Variants in CBL observed in about 807,000 individuals in gnomAD.
CBL encodes the protein E3 ubiquitin-protein ligase CBL.
CBL carries 45 observed loss-of-function variants against 96.9 expected under a neutral mutation model. The ratio of observed to expected loss-of-function variants is 0.46; its 90% CI spans 0.37 to 0.60. The LOEUF (loss-of-function observed/expected upper bound fraction) is 0.60. Ranked by LOEUF, CBL falls within the 20% of genes least tolerant of loss-of-function variation. The pLI is 0.00. For synonymous variants in CBL, 420 were observed against 426.8 expected (o/e 0.98, Z 0.20); for missense variants, 1,024 against 1,143.5 (o/e 0.90, Z 1.51).
At chr11:119,284,897 C>T in intron 9 of CBL, 72 bp from the exon 10 acceptor site, 1 of 1,577,048 alleles carries the variant, frequency 6.3e-7, no homozygotes, top group Non-Finnish European at 8.7e-7. Context: ...TTGCCATCCA[C>T]AGCTTTAGGA....
At position 119,215,454 on chromosome 11, in the gene CBL, G is replaced by A. The variant is rs117176076; in HGVS notation, c.195+8842G>A. Among the ~76,000 whole-genome samples, 387 of 147,500 alleles carry A rather than the reference G, an allele frequency of 2.6e-3. 8 individuals are homozygous for A. In the East Asian group the frequency reaches 0.049, roughly 19 times the overall value. Reference sequence around the variant, plus strand: ...ATTTTTTTTTTTTTTTTGAGGTTGCGTCTTGCTGTGTTGCCCAGGCTGACC... The same window carrying A: ...ATTTTTTTTTTTTTTTTGAGGTTGCATCTTGCTGTGTTGCCCAGGCTGACC... On this transcript the variant is annotated intron_variant, in intron 1 of 15. Transcript: ENST00000264033.
chr11:119,224,464 G>A (rs2135259779), intron 1 of CBL, among the ~76,000 whole-genome samples: 1 of 152,076 alleles, frequency 6.6e-6, no homozygotes, highest in Non-Finnish European at 1.5e-5. Context: ...ACCAGTAATA[G>A]CCTACTGTTG....
In CBL at chr11:119,298,463, C is replaced by T. The variant is rs2135321129; in HGVS notation, c.2357C>T (p.Ala786Val). The change falls in exon 15 of 16, where the codon GCC becomes GTC. Residue 786 changes from alanine to valine, a missense_variant. Ala to Val is a moderately conservative substitution (Grantham distance 64). Transcript: ENST00000264033. ...VPKPPVPAVLARRTLSDISNA... is the reference protein window; with the variant it reads ...VPKPPVPAVLVRRTLSDISNA... ...AAGCCACCTGTGCCGGCCGTGCTGG[C>T]CCGCCGAACTCTCTCAGATATCTCT... The T allele has an allele frequency of 6.2e-7, 1 of 1,614,182 alleles. No homozygotes were observed. The highest frequency in any genetic ancestry group is 1.1e-5 in the South Asian group (1 of 91,076).
At position 119,303,993 on chromosome 11, in the gene CBL, T is replaced by C. The variant is rs1950118478; in HGVS notation, c.*4212T>C. The C allele has an allele frequency of 4.3e-6, 1 of 233,468 alleles. No homozygotes were observed. The highest frequency in any genetic ancestry group is 8.5e-6 in the Non-Finnish European group (1 of 118,054). 14.5% of individuals were successfully genotyped at this position (233,468 alleles called of 1,614,324 possible). A position where few individuals can be genotyped will look rare whatever the true frequency, so the allele number is the denominator to read the frequency against. On this transcript the variant is annotated 3_prime_UTR_variant, in exon 16 of 16. Transcript: ENST00000264033. ...AACTATGTTTTAGAAGGGCTGGAGGTGTGGGCCCTGTCTTCGGGTCTCAGG... is the reference window on the plus strand; with the variant it reads ...AACTATGTTTTAGAAGGGCTGGAGGCGTGGGCCCTGTCTTCGGGTCTCAGG...
intron 1 of CBL, among the ~76,000 whole-genome samples, chr11:119,223,594 T>A (rs894803945): frequency 6.6e-6 from 1 of 150,828 alleles, no homozygotes; most frequent in Admixed American, 6.6e-5. Flanking sequence ...CACGCCCGGC[T>A]AAATTTTTTT....
intron 2 of CBL, among the ~76,000 whole-genome samples, chr11:119,263,508 T>C (rs1949770661): frequency 6.6e-6 from 1 of 152,218 alleles, no homozygotes; most frequent in South Asian, 2.1e-4. Flanking sequence ...TAGGAATCTG[T>C]TACTGTGTAA....
rs759082853 is a variant in CBL, at chr11:119,273,888, G to A, written c.611G>A (p.Ser204Asn). Reference sequence around the variant, plus strand: ...CCCAGGACAATAGTCCCTTGGAAGAGCTTTCGACAGGCTCTACATGAAGTG... The same window carrying A: ...CCCAGGACAATAGTCCCTTGGAAGAACTTTCGACAGGCTCTACATGAAGTG... Reference protein sequence around the residue: ...FGEKTIVPWKSFRQALHEVHP... With the variant: ...FGEKTIVPWKNFRQALHEVHP... Residue 204 changes from serine to asparagine, a missense_variant, in exon 4 of 16, where the codon AGC (serine) becomes AAC (asparagine). Physicochemically the swap from Ser to Asn is conservative, Grantham distance 46. This residue lies in a region of CBL where 192 missense variants were observed against 321.8 expected (regional missense o/e 0.60). Transcript: ENST00000264033. 1 of 1,614,144 alleles carries A rather than the reference G, an allele frequency of 6.2e-7. No homozygotes were observed.
At chr11:119,264,130 T>G (rs1254059101) in intron 2 of CBL, among the ~76,000 whole-genome samples, 1 of 152,270 alleles carries the variant, frequency 6.6e-6, no homozygotes, top group African/African-American at 2.4e-5. Flanking sequence ...TTAAATCATC[T>G]TGGAATTTTC....
intron 2 of CBL, among the ~76,000 whole-genome samples, chr11:119,250,263 A>C (rs1297447993): frequency 1.3e-5 from 2 of 152,000 alleles, no homozygotes; most frequent in African/African-American, 4.8e-5. Flanking sequence ...GAATTGTAAG[A>C]TTTTTTTCCT....
In CBL at chr11:119,305,440, T is replaced by A. The variant is rs575591659; in HGVS notation, c.*5659T>A. 7.8e-5 allele frequency: 18 copies of A among 230,616 alleles called. No homozygotes were observed. Among genetic ancestry groups the A allele is most frequent in the Non-Finnish European group, 1.5e-4 (18 of 116,436 alleles). The allele number at this position is 230,616 out of a possible 1,614,324, so 14.3% of individuals were successfully genotyped here. On this transcript the variant is annotated 3_prime_UTR_variant, in exon 16 of 16. Coordinates refer to ENST00000264033, the MANE Select transcript of CBL (RefSeq NM_005188.4). ...ACTATCCATGGACTTCTGGGTCCTCTTCAGGTTTGAGTGCTTGAAAATGTT... is the reference window on the plus strand; with the variant it reads ...ACTATCCATGGACTTCTGGGTCCTCATCAGGTTTGAGTGCTTGAAAATGTT...
chr11:119,262,951 G>A (rs1949765323), intron 2 of CBL, among the ~76,000 whole-genome samples: 1 of 152,188 alleles, frequency 6.6e-6, no homozygotes, highest in South Asian at 2.1e-4. Context: ...GACCTATGCT[G>A]CCCCTTACTA....
At chr11:119,216,383 T>TATTC (rs1949360528) in intron 1 of CBL, among the ~76,000 whole-genome samples, 1 of 142,712 alleles carries the variant, frequency 7.0e-6, no homozygotes, top group Non-Finnish European at 1.5e-5. Flanking sequence ...TTTATTTATT[T>TATTC]ATTTTTTGAG....
Position 119,278,279 on chromosome 11 carries a change from C to T in CBL, c.1209C>T (p.Ser403=), listed in dbSNP as rs978200568. The T allele has an allele frequency of 3.1e-6, 5 of 1,613,976 alleles. No individual in the cohort carries two copies. Among genetic ancestry groups the T allele is most frequent in the South Asian group, 1.1e-5 (1 of 91,084 alleles). The change falls in exon 8 of 16, where the codon TCC becomes TCT. Residue 403 remains serine (S), a synonymous_variant. Transcript: ENST00000264033. The part of the protein sequence containing the change: ...IEPCGHLMCT[S]CLTSWQESEG... The stretch of plus-strand genomic sequence containing the variant: ...CCTGTGGACACCTCATGTGCACATC[C>T]TGTCTTACATCCTGGCAGGTACGGA...
rs373788107 is a variant in CBL, at chr11:119,274,081, CTT to C, written c.747+73_747+74del. 19,856 of 891,594 alleles carry C rather than the reference CTT, an allele frequency of 0.022. 22 individuals are homozygous for C. The highest frequency in any genetic ancestry group is 0.037 in the African/African-American group (1,859 of 50,118). 55.2% of individuals were successfully genotyped at this position (891,594 alleles called of 1,614,324 possible). On this transcript the variant is annotated intron_variant, in intron 4 of 15. Coordinates refer to ENST00000264033, the MANE Select transcript of CBL (RefSeq NM_005188.4). ...TACTGCTACTTCGGTGAAGAGAAAG[CTT>C]TTTTTTTTTTTTTTTAAATAACATT...
intron 12 of CBL, among the ~76,000 whole-genome samples, chr11:119,295,463 T>A (rs1380268135): frequency 6.6e-6 from 1 of 152,082 alleles, no homozygotes; most frequent in Admixed American, 6.5e-5. Flanking sequence ...GACTCAGGCC[T>A]GTAATCCTAG....
rs71048051 is a variant in CBL at position 119,236,595 on chromosome 11, G to GTATATATA, written c.443+3921_443+3928dup. 9.1e-3 allele frequency among the ~76,000 whole-genome samples: 1,250 copies of GTATATATA among 137,694 alleles called. 16 individuals are homozygous for GTATATATA. Among genetic ancestry groups the GTATATATA allele is most frequent in the African/African-American group, 0.027 (974 of 36,754 alleles). The allele number at this position is 137,694 out of a possible 152,430, so 90.3% of individuals were successfully genotyped here. A position where few individuals can be genotyped will look rare whatever the true frequency, so the allele number is the denominator to read the frequency against. ...ACATATATGTTTTCACTTCTTTTGA[G>GTATATATA]TATATATATATATATATATATATAT... On this transcript the variant is annotated intron_variant, in intron 2 of 15. Transcript: ENST00000264033.
chr11:119,259,002 T>A (rs545437255), intron 2 of CBL, among the ~76,000 whole-genome samples: 38 of 152,266 alleles, frequency 2.5e-4, no homozygotes, highest in Middle Eastern at 6.8e-3. Flanking sequence ...TCTCCTTGGT[T>A]AAATATATTC....
intron 9 of CBL, among the ~76,000 whole-genome samples, chr11:119,282,420 G>A (rs1409943863): frequency 1.3e-5 from 2 of 152,102 alleles, no homozygotes; most frequent in East Asian, 3.9e-4. Flanking sequence ...TCAACCCTCT[G>A]TGCCTAAGGA....
chr11:119,297,251 C>G (rs1268595516), intron 13 of CBL, 133 bp from the exon 14 acceptor site: 1 of 800,050 alleles, frequency 1.2e-6, no homozygotes, highest in East Asian at 2.5e-5. Context: ...AACACATACA[C>G]CTATAACTTG....
Sources: allele counts gnomAD v4.1 joint callset (sites outside exome capture counted in the v4.1 genomes callset), GRCh38; gene constraint gnomAD v4.1.1; regional missense constraint gnomAD v4.1.1; transcripts MANE v1.5; gene names NCBI Gene and HGNC (gene_info 2026-07-23, HGNC 2026-07-21).